The following NALF1 variants were observed in gnomAD, a reference collection of about 807,000 sequenced individuals.
NALF1 encodes the protein NALCN channel auxiliary factor 1, also known as family with sequence similarity 155 member A.
In NALF1, 3 loss-of-function variants were observed where a neutral mutation model predicts 48.4. The observed-to-expected ratio is 0.06, with a 90% CI of 0.03 to 0.16. The LOEUF (loss-of-function observed/expected upper bound fraction) is 0.16, where lower values mean the gene tolerates loss of function less well. Ranked by LOEUF, NALF1 falls within the 10% of genes least tolerant of loss-of-function variation. The pLI is 1.00. For missense variants in NALF1, 526 were observed against 571.5 expected (o/e 0.92, Z 0.81); for synonymous variants, 262 against 245.7 (o/e 1.07, Z -0.62).
chr13:107,841,765 A>G (rs767615654), intron 1 of NALF1, among the ~76,000 whole-genome samples: 2 of 152,206 alleles, frequency 1.3e-5, no homozygotes, highest in South Asian at 2.1e-4. Context: ...TATTGTTTAA[A>G]TAAGTTATGA....
At chr13:107,508,514 C>A (rs1178965133) in intron 1 of NALF1, among the ~76,000 whole-genome samples, 2 of 152,020 alleles carry the variant, frequency 1.3e-5, no homozygotes, top group Non-Finnish European at 2.9e-5. Context: ...AAGTCACTAA[C>A]CAGGTGTGAA....
intron 1 of NALF1, among the ~76,000 whole-genome samples, chr13:107,353,644 T>C (rs1056128404): frequency 2.0e-5 from 3 of 152,230 alleles, no homozygotes; most frequent in African/African-American, 7.2e-5. Flanking sequence ...ATCTGCCTGC[T>C]ATAAGACTCA....
intron 1 of NALF1, among the ~76,000 whole-genome samples, chr13:107,575,446 C>T (rs1307443495): frequency 6.6e-6 from 1 of 152,158 alleles, no homozygotes; most frequent in Non-Finnish European, 1.5e-5. Flanking sequence ...CCCCTTTCTA[C>T]AATTTTAGCA....
intron 1 of NALF1, among the ~76,000 whole-genome samples, chr13:107,562,913 C>T (rs955146739): frequency 6.6e-6 from 1 of 152,166 alleles, no homozygotes; most frequent in Admixed American, 6.5e-5. Flanking sequence ...GTTCCACTTC[C>T]TAACTGCCAA....
intron 1 of NALF1, among the ~76,000 whole-genome samples, chr13:107,700,490 T>C (rs138168949): frequency 2.4e-3 from 358 of 152,040 alleles, no homozygotes; most frequent in African/African-American, 8.3e-3. Context: ...AAATCGACTC[T>C]AAATGAATAA....
chr13:107,220,258 T>C (rs1879961638), intron 1 of NALF1, among the ~76,000 whole-genome samples: 1 of 152,234 alleles, frequency 6.6e-6, no homozygotes, highest in African/African-American at 2.4e-5. Flanking sequence ...TATCTTAATG[T>C]GTCCTGCTAG....
chr13:107,533,355 C>T (rs1223566410), intron 1 of NALF1, among the ~76,000 whole-genome samples: 1 of 151,892 alleles, frequency 6.6e-6, no homozygotes, highest in Admixed American at 6.6e-5. Flanking sequence ...AAGACAGGGC[C>T]CCTGGAAGGT....
intron 1 of NALF1, among the ~76,000 whole-genome samples, chr13:107,485,265 G>A (rs1304706321): frequency 6.6e-6 from 1 of 152,024 alleles, no homozygotes; most frequent in Non-Finnish European, 1.5e-5. Context: ...TAGACTCTTT[G>A]GTGTCACTCA....
chr13:107,392,954 A>G (rs1258089657), intron 1 of NALF1, among the ~76,000 whole-genome samples: 1 of 152,136 alleles, frequency 6.6e-6, no homozygotes, highest in African/African-American at 2.4e-5. Context: ...ACCACAGTGG[A>G]CATGGAGGAG....
intron 1 of NALF1, among the ~76,000 whole-genome samples, chr13:107,800,963 T>G (rs915737051): frequency 6.6e-6 from 1 of 152,076 alleles, no homozygotes; most frequent in African/African-American, 2.4e-5. Context: ...TGAACTATCT[T>G]ATACTAATTC....
At chr13:107,634,386 C>T (rs556231560) in intron 1 of NALF1, among the ~76,000 whole-genome samples, 4 of 152,130 alleles carry the variant, frequency 2.6e-5, no homozygotes, top group Non-Finnish European at 5.9e-5. Flanking sequence ...ATGCATGTAA[C>T]AAAATTGCAC....
intron 2 of NALF1, among the ~76,000 whole-genome samples, chr13:107,186,798 A>T (rs1047835160): frequency 2.0e-5 from 3 of 152,178 alleles, no homozygotes; most frequent in African/African-American, 7.2e-5. Flanking sequence ...TTGTTATCTC[A>T]TAGTTCTGTA....
intron 1 of NALF1, among the ~76,000 whole-genome samples, chr13:107,390,004 A>G (rs1250160441): frequency 1.3e-5 from 2 of 152,128 alleles, no homozygotes; most frequent in Non-Finnish European, 2.9e-5. Flanking sequence ...CTTTCTCAAT[A>G]TAGCTATATC....
At position 107,169,951 on chromosome 13, in the gene NALF1, TA is replaced by T. The variant is rs1566439687; in HGVS notation, c.*545del. On this transcript the variant is annotated 3_prime_UTR_variant, in exon 3 of 3. Coordinates refer to ENST00000375915, the MANE Select transcript of NALF1 (RefSeq NM_001080396.3). Reference sequence around the variant, plus strand: ...AGAAGGGAGACTTAGGGATTTTTTTTATTTTTATTTTTTTGTTGTTTTCTTT... The same window carrying T: ...AGAAGGGAGACTTAGGGATTTTTTTTTTTTTATTTTTTTGTTGTTTTCTTT... The T allele has an allele frequency of 2.1e-5, 2 of 94,282 alleles. No homozygotes were observed. Among genetic ancestry groups the T allele is most frequent in the East Asian group, 4.9e-4 (2 of 4,042 alleles). The allele number at this position is 94,282 out of a possible 1,614,324, so 5.8% of individuals were successfully genotyped here.
intron 1 of NALF1, among the ~76,000 whole-genome samples, chr13:107,455,926 A>G (rs537334571): frequency 3.3e-5 from 5 of 152,064 alleles, no homozygotes; most frequent in Admixed American, 6.6e-5. Context: ...TTACCCATTG[A>G]AAGGTATTTT....
At chr13:107,325,855 C>CATATATATATATATATAT in intron 1 of NALF1, among the ~76,000 whole-genome samples, 1 of 54,056 alleles carries the variant, frequency 1.8e-5, no homozygotes, top group African/African-American at 6.2e-5. Flanking sequence ...CACACACACA[C>CATATATATATATATATAT]ATATATATAT....
chr13:107,374,217 C>A (rs1454435148), intron 1 of NALF1, among the ~76,000 whole-genome samples: 1 of 152,196 alleles, frequency 6.6e-6, no homozygotes, highest in Non-Finnish European at 1.5e-5. Flanking sequence ...CACCATCCCA[C>A]AAACACATCA....
At chr13:107,310,409 C>CA (rs397955378) in intron 1 of NALF1, among the ~76,000 whole-genome samples, 2,122 of 79,802 alleles carry the variant, frequency 0.027, 18 homozygotes, top group African/African-American at 0.04. Flanking sequence ...GATTCCATCT[C>CA]AAAAAAAAAA....
intron 1 of NALF1, among the ~76,000 whole-genome samples, chr13:107,651,487 A>C (rs1312242246): frequency 6.6e-6 from 1 of 152,220 alleles, no homozygotes; most frequent in East Asian, 1.9e-4. Context: ...CTCTGAAATA[A>C]GCAAAACTAT....
Sources: gnomAD v4.1 joint callset for allele counts (sites outside exome capture counted in the v4.1 genomes callset) on GRCh38, gnomAD v4.1.1 for gene constraint, MANE v1.5 for transcripts, NCBI Gene and HGNC (gene_info 2026-07-23, HGNC 2026-07-21) for gene names.